CHEK1: variants seen among roughly 807,000 people sequenced by gnomAD.
CHEK1 encodes the protein serine/threonine-protein kinase Chk1.
Under a neutral mutation model 60.2 loss-of-function variants are expected in CHEK1, and 32 were observed. The ratio of observed to expected loss-of-function variants is 0.53; its 90% confidence interval spans 0.40 to 0.71. The LOEUF (loss-of-function observed/expected upper bound fraction) is 0.71. Ranked by LOEUF, CHEK1 falls within the 30% of genes least tolerant of loss-of-function variation. The pLI is 0.00. For missense variants in CHEK1, 399 were observed against 564.6 expected, an observed-to-expected ratio of 0.71 and a Z score of 2.97; for synonymous variants, 179 against 187.2, an observed-to-expected ratio of 0.96 and a Z score of 0.36.
At chr11:125,649,993 T>G (rs1272415546) in intron 11 of CHEK1, 1 of 152,210 alleles carries the variant, frequency 6.6e-6, no homozygotes, top group Admixed American at 6.5e-5. Context: ...TCTTGCTGCT[T>G]TTATGTTTCT....
chr11:125,642,227 T>C (rs1279518606), intron 8 of CHEK1, among the ~76,000 whole-genome samples: 1 of 152,234 alleles, frequency 6.6e-6, no homozygotes. Flanking sequence ...TAAAATGGTA[T>C]CCTCTTCCCT....
At chr11:125,639,278 A>G (rs1941189141) in intron 8 of CHEK1, among the ~76,000 whole-genome samples, 1 of 151,904 alleles carries the variant, frequency 6.6e-6, no homozygotes, top group East Asian at 1.9e-4. Context: ...ATTCAGGATT[A>G]CTAATCTCAA....
chr11:125,665,419 A>G (rs1199735483), intron 13 of CHEK1, among the ~76,000 whole-genome samples: 1 of 151,964 alleles, frequency 6.6e-6, no homozygotes, highest in Non-Finnish European at 1.5e-5. Context: ...TATATTTATC[A>G]GGGATATTGG....
chr11:125,676,422 G>A (rs1942510868), downstream of CHEK1: 3 of 1,613,986 alleles, frequency 1.9e-6, no homozygotes, highest in Non-Finnish European at 8.5e-7. Flanking sequence ...CCCTCTCCAC[G>A]AAGACATTTT....
At chr11:125,627,320 A>T (rs1019280415) in intron 2 of CHEK1, among the ~76,000 whole-genome samples, 1 of 152,254 alleles carries the variant, frequency 6.6e-6, no homozygotes, top group African/African-American at 2.4e-5. Flanking sequence ...ATATGAGTAG[A>T]ACATGTATAT....
chr11:125,663,257 G>T (rs545173988), intron 13 of CHEK1, among the ~76,000 whole-genome samples: 14 of 151,964 alleles, frequency 9.2e-5, no homozygotes, highest in African/African-American at 2.9e-4. Context: ...TTTCTTATAT[G>T]GATCATGTTT....
chr11:125,644,397 G>T (rs1941423178), intron 10 of CHEK1, 115 bp from the exon 11 acceptor site: 1 of 1,455,322 alleles, frequency 6.9e-7, no homozygotes, highest in African/African-American at 1.4e-5. Flanking sequence ...GGTCAAGGAA[G>T]AAAGAGAGGA....
chr11:125,629,379 C>T lies in CHEK1; in HGVS notation c.355-12C>T. The T allele has an allele frequency of 1.2e-6, 2 of 1,613,252 alleles. No individual in the cohort carries two copies. Among genetic ancestry groups the T allele is most frequent in the Non-Finnish European group, 1.7e-6 (2 of 1,179,292 alleles). ...CCAAATTCTAGTGTGTTTCTCTCTG[C>T]ATCCCTCTTAGGTTTATCTGCATGG... On this transcript the variant is annotated splice_polypyrimidine_tract_variant and intron_variant, in intron 4 of 12. Transcript: ENST00000438015.
At chr11:125,674,639 C>T (rs1942395407) in intron 13 of CHEK1, among the ~76,000 whole-genome samples, 1 of 152,190 alleles carries the variant, frequency 6.6e-6, no homozygotes, top group African/African-American at 2.4e-5. Flanking sequence ...TCCACTGTAA[C>T]TTGCTTCTAA....
downstream of CHEK1, among the ~76,000 whole-genome samples, chr11:125,658,569 C>G (rs186533960): frequency 6.6e-6 from 1 of 151,506 alleles, no homozygotes; most frequent in East Asian, 1.9e-4. Flanking sequence ...CTATTTAGAC[C>G]TTTCCTCTGT....
At chr11:125,677,934 G>A, downstream of CHEK1, 1 of 1,614,118 alleles carries the variant, frequency 6.2e-7, no homozygotes. Flanking sequence ...TTCATCTGAA[G>A]GCTGTTCACC....
chr11:125,666,995 T>G (rs1256818576), intron 13 of CHEK1, among the ~76,000 whole-genome samples: 1 of 151,920 alleles, frequency 6.6e-6, no homozygotes, highest in Admixed American at 6.6e-5. Context: ...TGTTTTTTTT[T>G]TTAAAGAAAA....
chr11:125,674,859 C>T (rs2134112812), intron 13 of CHEK1, among the ~76,000 whole-genome samples: 1 of 152,322 alleles, frequency 6.6e-6, no homozygotes, highest in South Asian at 2.1e-4. Context: ...GCTCTTGTAT[C>T]AGCTGGCTCC....
At chr11:125,647,864 CT>C (rs1452697180) in intron 11 of CHEK1, among the ~76,000 whole-genome samples, 6 of 152,110 alleles carry the variant, frequency 3.9e-5, no homozygotes, top group Admixed American at 3.3e-4. Context: ...GAAAGCAAAC[CT>C]GTCAGGTATG....
At chr11:125,652,865 A>G (rs1941785923) in intron 11 of CHEK1, among the ~76,000 whole-genome samples, 1 of 151,620 alleles carries the variant, frequency 6.6e-6, no homozygotes, top group South Asian at 2.1e-4. Flanking sequence ...GCAATTTGAA[A>G]CTCTATTATT....
At chr11:125,648,550 C>T (rs943625101) in intron 11 of CHEK1, among the ~76,000 whole-genome samples, 8 of 151,330 alleles carry the variant, frequency 5.3e-5, no homozygotes, top group African/African-American at 1.9e-4. Flanking sequence ...CCACTGCACT[C>T]CAGCCTGGGC....
chr11:125,669,879 G>T (rs984688106), intron 13 of CHEK1, among the ~76,000 whole-genome samples: 1 of 151,088 alleles, frequency 6.6e-6, no homozygotes, highest in Non-Finnish European at 1.5e-5. Context: ...GAGCTTCCTA[G>T]ATTTTATAAG....
chr11:125,635,689 A>G, intron 7 of CHEK1, 156 bp downstream of exon 7: 1 of 480,714 alleles, frequency 2.1e-6, no homozygotes. Context: ...AATTAAGGAA[A>G]AAATAACTCT....
downstream of CHEK1, chr11:125,677,941 C>G: frequency 2.5e-6 from 4 of 1,612,580 alleles, no homozygotes; most frequent in Non-Finnish European, 3.4e-6. Context: ...GAAGGCTGTT[C>G]ACCTGACTCA....
Sources: gnomAD v4.1 joint callset for allele counts (sites outside exome capture counted in the v4.1 genomes callset) on GRCh38, gnomAD v4.1.1 for gene constraint, MANE v1.5 for transcripts, NCBI Gene and HGNC (gene_info 2026-07-23, HGNC 2026-07-21) for gene names.